The following SPATA1 variants were observed in gnomAD, a reference collection of about 807,000 sequenced individuals.
SPATA1 encodes spermatogenesis-associated protein 1.
Under a neutral mutation model 59.6 loss-of-function variants are expected in SPATA1, and 57 were observed. The ratio of observed to expected loss-of-function variants is 0.96; its 90% CI spans 0.77 to 1.19. The LOEUF (loss-of-function observed/expected upper bound fraction) is 1.19, where lower values mean the gene tolerates loss of function less well. Ranked by LOEUF, SPATA1 falls within the 50% of genes most tolerant of loss-of-function variation. SPATA1 has a pLI of 0.00. For missense variants in SPATA1, 448 were observed against 480.7 expected (o/e 0.93, Z 0.64); for synonymous variants, 147 against 163.9 (o/e 0.90, Z 0.79).
At chr1:84,533,091 T>C in intron 7 of SPATA1, 117 bp downstream of exon 7, 1 of 636,364 alleles carries the variant, frequency 1.6e-6, no homozygotes, top group Non-Finnish European at 2.6e-6. Flanking sequence ...AAATTAGTGA[T>C]ATTTTAATTA....
At chr1:84,558,077 A>G (rs76377401), downstream of SPATA1, among the ~76,000 whole-genome samples, 1,230 of 152,246 alleles carry the variant, frequency 8.1e-3, 55 homozygotes, top group East Asian at 0.13. Context: ...TAAATACAAG[A>G]AATCTACTGT....
chr1:84,545,868 ATTTTAG>A (rs1335996019), intron 10 of SPATA1, 109 bp downstream of exon 10: 3 of 860,670 alleles, frequency 3.5e-6, no homozygotes, highest in East Asian at 3.6e-5. Context: ...CTGTTTTACT[ATTTTAG>A]TTTAAGTGGT....
At chr1:84,557,499 C>G (rs904040422), downstream of SPATA1, among the ~76,000 whole-genome samples, 3 of 138,366 alleles carry the variant, frequency 2.2e-5, no homozygotes, top group Admixed American at 7.8e-5. Context: ...TGCCACTGCA[C>G]TCCAGCCTGG....
At chr1:84,566,027 C>A in exon 5 of SPATA1, 2 of 1,493,432 alleles carry the variant, frequency 1.3e-6, no homozygotes, top group South Asian at 1.4e-5. Flanking sequence ...GGAAAAAAAT[C>A]TTACTATTTT....
intron 10 of SPATA1, among the ~76,000 whole-genome samples, chr1:84,546,829 T>C (rs1253275428): frequency 6.6e-6 from 1 of 152,106 alleles, no homozygotes; most frequent in Non-Finnish European, 1.5e-5. Flanking sequence ...CTTTTAAAAG[T>C]GAATGAATGA....
chr1:84,532,394 G>T (rs865871474), intron 6 of SPATA1, among the ~76,000 whole-genome samples: 6 of 152,150 alleles, frequency 3.9e-5, no homozygotes, highest in Non-Finnish European at 8.8e-5. Context: ...TACTTGGGAG[G>T]CTGAGGCAGG....
chr1:84,563,215 A>G (rs763856534), intron 4 of SPATA1: 7 of 1,285,102 alleles, frequency 5.4e-6, no homozygotes, highest in Non-Finnish European at 7.2e-6. Context: ...ATAATTACAA[A>G]AACTAATAGA....
At chr1:84,508,609 G>A (rs548518513) in intron 1 of SPATA1, among the ~76,000 whole-genome samples, 11 of 152,268 alleles carry the variant, frequency 7.2e-5, no homozygotes, top group East Asian at 3.9e-4. Context: ...GATCTTCACC[G>A]TATTCAATTA....
intron 4 of SPATA1, among the ~76,000 whole-genome samples, chr1:84,523,549 T>C (rs931849853): frequency 8.5e-5 from 13 of 152,184 alleles, no homozygotes; most frequent in Non-Finnish European, 1.8e-4. Flanking sequence ...TTATAACCAG[T>C]GCCTAACAAG....
At chr1:84,557,247 A>G (rs1275320701), downstream of SPATA1, among the ~76,000 whole-genome samples, 1 of 152,156 alleles carries the variant, frequency 6.6e-6, no homozygotes, top group African/African-American at 2.4e-5. Flanking sequence ...AATAAAAAAG[A>G]GGGGGCCAGG....
intron 8 of SPATA1, among the ~76,000 whole-genome samples, chr1:84,538,248 T>G (rs966673857): frequency 1.3e-5 from 2 of 152,252 alleles, no homozygotes; most frequent in Admixed American, 6.5e-5. Flanking sequence ...GATGCTCCTA[T>G]TATGCCATTC....
exon 11 of SPATA1, chr1:84,548,908 G>A (rs745592851): frequency 1.9e-5 from 30 of 1,607,208 alleles, no homozygotes; most frequent in Non-Finnish European, 2.4e-5. Flanking sequence ...CATGCAACTT[G>A]AAGCCAGGGA....
In SPATA1 at chr1:84,563,387, A is replaced by G. The variant is rs1161357596; in HGVS notation, n.443-2474A>G. ...AGCGTCACTACAAGGAGCCCCCCGG[A>G]AAGGGACTTTTGCAATGGTACAAAC... On this transcript the variant is annotated intron_variant and non_coding_transcript_variant, in intron 4 of 4. Coordinates refer to the SPATA1 transcript ENST00000460286. 6.3e-7 allele frequency: 1 copy of G among 1,577,234 alleles called. No individual in the cohort carries two copies. Among genetic ancestry groups the G allele is most frequent in the Middle Eastern group, 1.7e-4 (1 of 5,888 alleles).
intron 1 of SPATA1, chr1:84,506,626 G>A (rs377083059): frequency 3.3e-5 from 5 of 152,698 alleles, no homozygotes; most frequent in African/African-American, 1.2e-4. Flanking sequence ...CACCCGGCGT[G>A]AGTCACCCGC....
intron 2 of SPATA1, 104 bp from the exon 3 acceptor site, chr1:84,520,481 T>G: frequency 2.7e-6 from 2 of 736,056 alleles, no homozygotes; most frequent in Non-Finnish European, 4.2e-6. Context: ...GTATTCCATG[T>G]TTTTTTTCTA....
intron 1 of SPATA1, among the ~76,000 whole-genome samples, chr1:84,510,333 A>T (rs1682482281): frequency 6.6e-6 from 1 of 152,184 alleles, no homozygotes; most frequent in South Asian, 2.1e-4. Flanking sequence ...AACCCGCTTT[A>T]AAAATGGGCA....
intron 1 of SPATA1, among the ~76,000 whole-genome samples, chr1:84,514,980 GA>G (rs565717673): frequency 1.3e-5 from 2 of 151,482 alleles, no homozygotes; most frequent in East Asian, 1.9e-4. Flanking sequence ...CAAAAAAAAA[GA>G]AAAAAAATTG....
At chr1:84,541,568 T>C (rs1232054198) in intron 8 of SPATA1, among the ~76,000 whole-genome samples, 1 of 152,196 alleles carries the variant, frequency 6.6e-6, no homozygotes, top group Admixed American at 6.5e-5. Context: ...AATTTTCATT[T>C]CACACCTTCC....
rs571234437 is a variant in SPATA1, at chr1:84,520,471, G to A, written c.37-114G>A. On this transcript the variant is annotated intron_variant, in intron 2 of 12. Coordinates refer to ENST00000490879, the Ensembl canonical transcript of SPATA1. ...TTTTTGTTTGTTCAGAGGGATGTAT[G>A]TATTCCATGTTTTTTTTCTATTGTG... 118 of 679,900 alleles carry A rather than the reference G, an allele frequency of 1.7e-4. No individual in the cohort carries two copies. The East Asian group carries it at 3.1e-3, about 18-fold the overall frequency. The allele number at this position is 679,900 out of a possible 1,614,324, so 42.1% of individuals were successfully genotyped here.
Sources: gnomAD v4.1 joint callset for allele counts (sites outside exome capture counted in the v4.1 genomes callset) on GRCh38, gnomAD v4.1.1 for gene constraint, MANE v1.5 for transcripts, NCBI Gene and HGNC (gene_info 2026-07-23, HGNC 2026-07-21) for gene names.